GABRB1: variants seen among roughly 807,000 people sequenced by gnomAD.
GABRB1 encodes gamma-aminobutyric acid type A receptor subunit beta1, also known as gamma-aminobutyric acid receptor subunit beta-1.
GABRB1 carries 17 observed loss-of-function variants against 51.6 expected under a neutral mutation model. The ratio of observed to expected loss-of-function variants is 0.33; its 90% confidence interval spans 0.23 to 0.49. The LOEUF is 0.49. Among genes scored for constraint, GABRB1 ranks in the 20% least tolerant of loss-of-function variants. GABRB1 has a pLI of 0.99. For missense variants in GABRB1, 410 were observed against 600.6 expected (o/e 0.68, Z 3.32); for synonymous variants, 247 against 218.9 (o/e 1.13, Z -1.14).
At chr4:47,145,425 T>A (rs1419023967) in intron 3 of GABRB1, among the ~76,000 whole-genome samples, 2 of 152,052 alleles carry the variant, frequency 1.3e-5, no homozygotes. Context: ...TTTCAACTAC[T>A]CTTTTGAAAA....
chr4:47,060,218 T>C (rs183647941), intron 3 of GABRB1, among the ~76,000 whole-genome samples: 6 of 152,318 alleles, frequency 3.9e-5, no homozygotes, highest in Admixed American at 1.3e-4. Context: ...GTGCTTTATA[T>C]AGGTGACAAT....
chr4:47,409,708 C>A (rs7693953), intron 8 of GABRB1, among the ~76,000 whole-genome samples: 2 of 152,114 alleles, frequency 1.3e-5, no homozygotes, highest in Admixed American at 6.5e-5. Context: ...GGAACTACCC[C>A]CTTCTTTCCA....
At chr4:47,259,068 G>A (rs1360309842) in intron 4 of GABRB1, among the ~76,000 whole-genome samples, 2 of 152,030 alleles carry the variant, frequency 1.3e-5, no homozygotes, top group Non-Finnish European at 2.9e-5. Flanking sequence ...AACTTTCATT[G>A]CCACCATTGA....
chr4:47,260,884 A>G (rs574361393), intron 4 of GABRB1, among the ~76,000 whole-genome samples: 27 of 152,276 alleles, frequency 1.8e-4, no homozygotes, highest in Admixed American at 9.8e-4. Context: ...GGGATGCAAG[A>G]CTGGTTCAAT....
Position 47,408,170 on chromosome 4 carries a change from C to T in GABRB1, c.1080+1244C>T, listed in dbSNP as rs533227201. Among the ~76,000 whole-genome samples, 7 of 152,310 alleles carry T rather than the reference C, an allele frequency of 4.6e-5. No individual in the cohort carries two copies. The East Asian group carries it at 1.3e-3, about 29-fold the overall frequency. ...GGGTCAGATTTAAGGGAGCAGGACA[C>T]TTTGGTAAGACCTCTCTGTGGAATG... On this transcript the variant is annotated intron_variant, in intron 8 of 8. Coordinates refer to ENST00000295454, the MANE Select transcript of GABRB1 (RefSeq NM_000812.4).
chr4:47,128,536 C>T (rs1716267513), intron 3 of GABRB1, among the ~76,000 whole-genome samples: 1 of 151,872 alleles, frequency 6.6e-6, no homozygotes, highest in African/African-American at 2.4e-5. Context: ...AGAAGCTAGA[C>T]ACAAAGACTC....
intron 4 of GABRB1, among the ~76,000 whole-genome samples, chr4:47,221,857 T>C (rs1384125292): frequency 2.0e-5 from 3 of 152,058 alleles, no homozygotes; most frequent in Admixed American, 6.6e-5. Flanking sequence ...TTAATATCTA[T>C]TGTTGATTCA....
At chr4:47,056,805 T>C (rs1726627098) in intron 3 of GABRB1, among the ~76,000 whole-genome samples, 1 of 152,026 alleles carries the variant, frequency 6.6e-6, no homozygotes, top group South Asian at 2.1e-4. Flanking sequence ...TATTGAGAAA[T>C]CATCTATAAG....
intron 8 of GABRB1, among the ~76,000 whole-genome samples, chr4:47,413,233 A>C (rs553095749): frequency 6.6e-6 from 1 of 152,344 alleles, no homozygotes; most frequent in East Asian, 1.9e-4. Context: ...TATCTGTCTA[A>C]ATAATTTATT....
intron 3 of GABRB1, among the ~76,000 whole-genome samples, chr4:47,123,178 T>C (rs1427120969): frequency 6.6e-6 from 1 of 150,766 alleles, no homozygotes; most frequent in African/African-American, 2.4e-5. Flanking sequence ...TTAAATACAA[T>C]TTATTCACTA....
chr4:47,188,534 T>C (rs1173406169), intron 4 of GABRB1, among the ~76,000 whole-genome samples: 1 of 151,976 alleles, frequency 6.6e-6, no homozygotes, highest in Non-Finnish European at 1.5e-5. Context: ...AATTCTTATA[T>C]ATAAAAACAC....
chr4:47,227,031 AG>A (rs1720967321), intron 4 of GABRB1, among the ~76,000 whole-genome samples: 1 of 152,188 alleles, frequency 6.6e-6, no homozygotes, highest in African/African-American at 2.4e-5. Context: ...TATGAGAGAA[AG>A]GAGAGACTAT....
intron 4 of GABRB1, among the ~76,000 whole-genome samples, chr4:47,238,944 T>C (rs1052420136): frequency 1.3e-5 from 2 of 152,190 alleles, no homozygotes; most frequent in African/African-American, 4.8e-5. Context: ...GCTTTGAAAA[T>C]GTTAGTTGAG....
intron 1 of GABRB1, among the ~76,000 whole-genome samples, chr4:47,005,041 G>T (rs1215084658): frequency 6.6e-6 from 1 of 152,138 alleles, no homozygotes; most frequent in South Asian, 2.1e-4. Flanking sequence ...GTGGGCCTAG[G>T]GGGAGGCCAG....
chr4:46,994,853 C>T (rs1415928773), intron 1 of GABRB1, among the ~76,000 whole-genome samples: 2 of 152,156 alleles, frequency 1.3e-5, no homozygotes, highest in African/African-American at 4.8e-5. Flanking sequence ...ATTGAGATGA[C>T]TAGTGGACGG....
At chr4:47,298,351 C>G (rs1171155895) in intron 4 of GABRB1, among the ~76,000 whole-genome samples, 4 of 151,590 alleles carry the variant, frequency 2.6e-5, no homozygotes, top group South Asian at 2.1e-4. Context: ...ATCATCTCAG[C>G]CCAAAATCTC....
At chr4:47,368,664 T>A (rs1028101862) in intron 5 of GABRB1, among the ~76,000 whole-genome samples, 1 of 152,154 alleles carries the variant, frequency 6.6e-6, no homozygotes. Context: ...GTTTTTTCCC[T>A]CATACTTTAA....
chr4:47,329,646 T>A (rs950869214), intron 5 of GABRB1, among the ~76,000 whole-genome samples: 66 of 148,504 alleles, frequency 4.4e-4, no homozygotes, highest in African/African-American at 1.5e-3. Flanking sequence ...TATATACATA[T>A]AAATATTGGT....
chr4:47,308,791 A>G (rs1192919016), intron 4 of GABRB1, among the ~76,000 whole-genome samples: 1 of 152,094 alleles, frequency 6.6e-6, no homozygotes, highest in Non-Finnish European at 1.5e-5. Flanking sequence ...CATTCCAGGT[A>G]AACATTTTCT....
Sources: gnomAD v4.1 joint callset for allele counts (sites outside exome capture counted in the v4.1 genomes callset) on GRCh38, gnomAD v4.1.1 for gene constraint, MANE v1.5 for transcripts, NCBI Gene and HGNC (gene_info 2026-07-23, HGNC 2026-07-21) for gene names.